The following PRDM16 variants were observed in gnomAD, a reference collection of about 807,000 sequenced individuals.
PRDM16 encodes the protein histone-lysine N-methyltransferase PRDM16.
Under a neutral mutation model 110.6 loss-of-function variants are expected in PRDM16, and 23 were observed. The ratio of observed to expected loss-of-function variants is 0.21; its 90% CI spans 0.15 to 0.29. The LOEUF (loss-of-function observed/expected upper bound fraction) is 0.29, where lower values mean the gene tolerates loss of function less well. PRDM16 is among the 10% of genes least tolerant of loss of function. PRDM16 has a pLI of 1.00. For synonymous variants in PRDM16, 799 were observed against 781.8 expected (o/e 1.02, Z -0.37); for missense variants, 1,615 against 1,794.3 (o/e 0.90, Z 1.81).
At chr1:3,287,487 T>C (rs368427849) in intron 3 of PRDM16, among the ~76,000 whole-genome samples, 2,594 of 61,232 alleles carry the variant, frequency 0.042, 12 homozygotes, top group Non-Finnish European at 0.065. Context: ...CAGGATTGCA[T>C]TTACCGGGGC....
intron 3 of PRDM16, among the ~76,000 whole-genome samples, chr1:3,335,496 CAG>C (rs1642125357): frequency 6.6e-6 from 1 of 152,072 alleles, no homozygotes; most frequent in Non-Finnish European, 1.5e-5. Flanking sequence ...CTAAAGGGAG[CAG>C]AGTTTATTTC....
chr1:3,081,705 G>C lies in PRDM16; in HGVS notation c.37+12409G>C, dbSNP rs554795376. 5.3e-5 allele frequency among the ~76,000 whole-genome samples: 8 copies of C among 152,232 alleles called. No homozygotes were observed. Among genetic ancestry groups the C allele is most frequent in the Non-Finnish European group, 1.2e-4 (8 of 68,000 alleles). ...GCCACACAGCCGCTTCCCACCCCTG[G>C]GTGTCGGTCACTAGAGAGTGGGTAG... is the stretch of plus-strand genomic sequence containing the variant. On this transcript the variant is annotated intron_variant, in intron 1 of 16. Coordinates refer to ENST00000270722, the MANE Select transcript of PRDM16 (RefSeq NM_022114.4). The surrounding 1 kb of genome is among the most constrained non-coding windows in gnomAD (Gnocchi z 4.6).
chr1:3,436,020 A>C lies in PRDM16; in HGVS notation c.*2209A>C, dbSNP rs376460807. 61 of 230,268 alleles carry C rather than the reference A, an allele frequency of 2.6e-4. No homozygotes were observed. The South Asian group carries it at 7.6e-3, about 29-fold the overall frequency. The allele number at this position is 230,268 out of a possible 1,614,324, so 14.3% of individuals were successfully genotyped here. A position where few individuals can be genotyped will look rare whatever the true frequency, so the allele number is the denominator to read the frequency against. The stretch of plus-strand genomic sequence containing the variant: ...CCAGGATCTGCAAACACAACTGCTC[A>C]GGCCTTCTCACGCGTTTCCACAACA... On this transcript the variant is annotated 3_prime_UTR_variant, in exon 17 of 17. Transcript: ENST00000270722.
chr1:3,084,807 G>A (rs1412603795), intron 1 of PRDM16, among the ~76,000 whole-genome samples: 1 of 152,292 alleles, frequency 6.6e-6, no homozygotes, highest in African/African-American at 2.4e-5. Context: ...GATCACAAAC[G>A]CTGAGCCCTG....
intron 3 of PRDM16, among the ~76,000 whole-genome samples, chr1:3,329,024 C>G (rs977495479): frequency 3.0e-5 from 4 of 135,040 alleles, no homozygotes; most frequent in African/African-American, 1.0e-4. Flanking sequence ...CCCTTTCCCC[C>G]CAGGCGAGGA....
chr1:3,283,945 G>A (rs941681214), intron 3 of PRDM16, among the ~76,000 whole-genome samples: 17 of 152,352 alleles, frequency 1.1e-4, no homozygotes, highest in South Asian at 8.3e-4. Flanking sequence ...CCGGTGCGCG[G>A]TGTGTCCAGG....
intron 3 of PRDM16, among the ~76,000 whole-genome samples, chr1:3,310,570 G>C (rs555495818): frequency 6.6e-6 from 1 of 152,252 alleles, no homozygotes; most frequent in Admixed American, 6.5e-5. Flanking sequence ...TGCCTGGGGA[G>C]AGAATGTTTG....
chr1:3,165,163 G>A (rs971499767), intron 1 of PRDM16, among the ~76,000 whole-genome samples: 3 of 152,228 alleles, frequency 2.0e-5, no homozygotes, highest in Non-Finnish European at 4.4e-5. Context: ...CGTGGGCTCA[G>A]GAGTGGGGCT....
chr1:3,274,338 TAAG>T (rs1367157258), intron 3 of PRDM16, among the ~76,000 whole-genome samples: 2 of 152,152 alleles, frequency 1.3e-5, no homozygotes, highest in Non-Finnish European at 2.9e-5. Flanking sequence ...TCACTTTTCT[TAAG>T]AAGTCACATT....
intron 1 of PRDM16, among the ~76,000 whole-genome samples, chr1:3,180,270 A>C (rs1569774429): frequency 6.6e-6 from 1 of 151,660 alleles, no homozygotes; most frequent in African/African-American, 2.4e-5. Flanking sequence ...ATCATGAAGT[A>C]TGTTCTGCTG....
rs1347935001 is a variant in PRDM16 at position 3,243,372 on chromosome 1, A to G, written c.388-715A>G. Among the ~76,000 whole-genome samples the G allele has an allele frequency of 9.0e-5, 1 of 11,126 alleles. No homozygotes were observed. The highest frequency in any genetic ancestry group is 1.7e-4 in the Non-Finnish European group (1 of 5,900). 7.3% of individuals were successfully genotyped at this position (11,126 alleles called of 152,430 possible). A position where few individuals can be genotyped will look rare whatever the true frequency, so the allele number is the denominator to read the frequency against. ...GCCAGTTAAAACACTCCCACCTCTG[A>G]TTTGCCAAAAAAAAAAAGAGGAAGC... On this transcript the variant is annotated intron_variant, in intron 2 of 16. Coordinates refer to ENST00000270722, the MANE Select transcript of PRDM16 (RefSeq NM_022114.4). The surrounding 1 kb of genome is among the most constrained non-coding windows in gnomAD (Gnocchi z 5.5).
chr1:3,239,873 C>T (rs1639620648), intron 2 of PRDM16, among the ~76,000 whole-genome samples: 1 of 151,728 alleles, frequency 6.6e-6, no homozygotes, highest in Non-Finnish European at 1.5e-5. Context: ...TCACCTGAGC[C>T]CAGGAGGTCG....
chr1:3,160,913 T>C (rs1190328158), intron 1 of PRDM16, among the ~76,000 whole-genome samples: 3 of 152,226 alleles, frequency 2.0e-5, no homozygotes, highest in Non-Finnish European at 2.9e-5. Context: ...TGAGCTGTTT[T>C]TCGGGCAGGA....
At chr1:3,215,801 C>A (rs1173495663) in intron 2 of PRDM16, among the ~76,000 whole-genome samples, 1 of 152,164 alleles carries the variant, frequency 6.6e-6, no homozygotes, top group Non-Finnish European at 1.5e-5. Flanking sequence ...CGTGTCCGCA[C>A]CCTCATTAAT....
intron 2 of PRDM16, among the ~76,000 whole-genome samples, chr1:3,224,826 T>G (rs1322999650): frequency 6.6e-6 from 1 of 152,212 alleles, no homozygotes; most frequent in Non-Finnish European, 1.5e-5. Context: ...CCTGAGCTGC[T>G]CCAGGCAAGA....
intron 3 of PRDM16, among the ~76,000 whole-genome samples, chr1:3,276,221 C>T (rs574476473): frequency 6.6e-6 from 1 of 152,244 alleles, no homozygotes; most frequent in South Asian, 2.1e-4. Context: ...GAGTCACTTC[C>T]CAAGAGAGGT....
rs2282198 is a variant in PRDM16, at chr1:3,385,157, C to T, written c.444C>T (p.Ser148=). 468,012 of 1,613,150 alleles carry T rather than the reference C, an allele frequency of 0.29. 75,704 individuals are homozygous for T. The highest frequency in any genetic ancestry group is 0.59 in the East Asian group (26,439 of 44,840). ...CTTCGCTTTCCTCCCAGCAGATCTC[C>T]GAAGACCTGGGCAGTGAGAAGTTCT... ...SPQEGCITKI[S]EDLGSEKFCV... Residue 148 remains serine, a synonymous_variant, in exon 4 of 17, where the codon TCC becomes TCT. Transcript: ENST00000270722.
At chr1:3,264,249 T>C (rs1204027282) in intron 3 of PRDM16, among the ~76,000 whole-genome samples, 1 of 152,140 alleles carries the variant, frequency 6.6e-6, no homozygotes, top group East Asian at 1.9e-4. Flanking sequence ...AGGGAGTCCA[T>C]GAGGCTGAGC....
chr1:3,340,204 A>T (rs1390668640), intron 3 of PRDM16, among the ~76,000 whole-genome samples: 5 of 151,994 alleles, frequency 3.3e-5, no homozygotes, highest in Non-Finnish European at 5.9e-5. Context: ...GTGGTAGCCG[A>T]GTCCTTACCT....
Sources: allele counts gnomAD v4.1 joint callset (sites outside exome capture counted in the v4.1 genomes callset), GRCh38; gene constraint gnomAD v4.1.1; non-coding constraint Gnocchi (gnomAD v3.1); transcripts MANE v1.5; gene names NCBI Gene and HGNC (gene_info 2026-07-23, HGNC 2026-07-21).